Variants in MYH16 observed in about 807,000 individuals in gnomAD.
MYH16 encodes the protein putative uncharacterized protein MYH16.
chr7:99,244,926 A>C (rs1014057051), intron 2 of MYH16, among the ~76,000 whole-genome samples: 1 of 152,196 alleles, frequency 6.6e-6, no homozygotes, highest in African/African-American at 2.4e-5. Context: ...GGCTTTGTGG[A>C]GTATAGCCTG....
intron 23 of MYH16, among the ~76,000 whole-genome samples, chr7:99,281,485 C>G (rs916958980): frequency 6.6e-6 from 1 of 152,154 alleles, no homozygotes; most frequent in African/African-American, 2.4e-5. Flanking sequence ...TAACTTGAGC[C>G]CAGGAGTTGC....
chr7:99,245,333 G>C (rs1036644035), intron 2 of MYH16, among the ~76,000 whole-genome samples: 1 of 152,232 alleles, frequency 6.6e-6, no homozygotes, highest in East Asian at 1.9e-4. Flanking sequence ...ATAGGGAGCA[G>C]TTATTCTTAC....
At chr7:99,277,394 C>T (rs1000667707) in intron 20 of MYH16, 145 bp from the exon 3 acceptor site, 1 of 337,630 alleles carries the variant, frequency 3.0e-6, no homozygotes, top group Non-Finnish European at 5.9e-6. Context: ...TGGAGAGGGA[C>T]CCCACCCGCA....
intron 31 of MYH16, 148 bp downstream of exon 12, chr7:99,291,598 G>T (rs1792377200): frequency 3.1e-6 from 1 of 324,136 alleles, no homozygotes; most frequent in Non-Finnish European, 6.0e-6. Context: ...TTCGAGACCA[G>T]CCCGAACAAC....
At chr7:99,287,673 T>C in intron 28 of MYH16, 1 of 343,736 alleles carries the variant, frequency 2.9e-6, no homozygotes. Flanking sequence ...GGTTAGGACT[T>C]GAGTATATCT....
chr7:99,299,935 A>AT (rs1198563083), intron 37 of MYH16, among the ~76,000 whole-genome samples: 27 of 113,756 alleles, frequency 2.4e-4, no homozygotes, highest in African/African-American at 1.0e-3. Context: ...TATTTTATTT[A>AT]TTTATTTATT....
intron 33 of MYH16, 126 bp from the exon 15 acceptor site, chr7:99,296,575 C>T: frequency 5.2e-6 from 2 of 388,152 alleles, no homozygotes; most frequent in Non-Finnish European, 1.0e-5. Context: ...CATTCCAATT[C>T]CCAAGGAGTC....
intron 1 of MYH16, among the ~76,000 whole-genome samples, chr7:99,240,475 A>G (rs182194684): frequency 1.3e-4 from 20 of 152,292 alleles, no homozygotes; most frequent in Admixed American, 1.1e-3. Flanking sequence ...AAACAAAACA[A>G]AAACAAAAAA....
chr7:99,249,373 C>G (rs934959842), intron 4 of MYH16, among the ~76,000 whole-genome samples: 6 of 151,428 alleles, frequency 4.0e-5, no homozygotes, highest in Middle Eastern at 6.8e-3. Context: ...ATAGTGAGAC[C>G]CCATCTCTAC....
intron 2 of MYH16, among the ~76,000 whole-genome samples, chr7:99,247,268 G>A (rs1159705125): frequency 6.6e-6 from 1 of 152,146 alleles, no homozygotes; most frequent in Non-Finnish European, 1.5e-5. Flanking sequence ...TGCCTTCCAG[G>A]TTCAAGCGAT....
intron 32 of MYH16, among the ~76,000 whole-genome samples, chr7:99,292,922 T>G (rs1674615932): frequency 6.6e-6 from 1 of 150,602 alleles, no homozygotes; most frequent in Non-Finnish European, 1.5e-5. Flanking sequence ...ATCGAGCCAC[T>G]GCACTCCAGC....
intron 9 of MYH16, among the ~76,000 whole-genome samples, chr7:99,256,186 C>T (rs1217483490): frequency 1.4e-5 from 2 of 147,192 alleles, no homozygotes; most frequent in African/African-American, 2.5e-5. Flanking sequence ...CACCTGTAAT[C>T]CCAGTGCTTT....
intron 12 of MYH16, chr7:99,261,294 C>G (rs1356202803): frequency 1.3e-5 from 2 of 152,416 alleles, no homozygotes; most frequent in African/African-American, 4.8e-5. Flanking sequence ...TCATGGAGCA[C>G]CAGGCACTGT....
intron 11 of MYH16, chr7:99,260,156 C>T (rs74359503): frequency 0.017 from 27,839 of 1,600,706 alleles, 306 homozygotes; most frequent in Non-Finnish European, 0.021. Context: ...GCCCTCCTGC[C>T]GCCACAGTTC....
chr7:99,251,048 G>C (rs1791803549), intron 5 of MYH16: 1 of 169,510 alleles, frequency 5.9e-6, no homozygotes, highest in African/African-American at 2.4e-5. Flanking sequence ...GGGCTCCCAG[G>C]CAGCAGCCAA....
At chr7:99,261,946 T>C (rs1234544735) in intron 13 of MYH16, 1 of 152,166 alleles carries the variant, frequency 6.6e-6, no homozygotes, top group Non-Finnish European at 1.5e-5. Flanking sequence ...AATGACAACA[T>C]TTGCGAAAAG....
chr7:99,245,920 G>A (rs1360546858), intron 2 of MYH16, among the ~76,000 whole-genome samples: 7 of 152,268 alleles, frequency 4.6e-5, no homozygotes, highest in African/African-American at 1.4e-4. Context: ...AGTAGGTCAA[G>A]GCTGGGCGCA....
intron 29 of MYH16, among the ~76,000 whole-genome samples, chr7:99,288,733 G>A (rs554463973): frequency 1.3e-5 from 2 of 152,062 alleles, no homozygotes; most frequent in Non-Finnish European, 2.9e-5. Flanking sequence ...CCTGTGCTTC[G>A]ATTTCTTCAT....
intron 19 of MYH16, among the ~76,000 whole-genome samples, chr7:99,272,608 GT>G (rs1046044017): frequency 8.6e-5 from 13 of 152,002 alleles, no homozygotes; most frequent in Non-Finnish European, 1.5e-4. Context: ...AAATTCGCAG[GT>G]GGTGGTGCAT....
Sources: allele counts gnomAD v4.1 joint callset (sites outside exome capture counted in the v4.1 genomes callset), GRCh38; gene constraint gnomAD v4.1.1; transcripts MANE v1.5; gene names NCBI Gene and HGNC (gene_info 2026-07-23, HGNC 2026-07-21).